The following AMZ1 variants were observed in gnomAD, a reference collection of about 807,000 sequenced individuals.
AMZ1 encodes archaemetzincin-1.
A neutral mutation model predicts 29.9 loss-of-function variants in AMZ1; 39 were observed. The observed-to-expected ratio is 1.30, with a 90% CI of 1.01 to 1.70. AMZ1 has a LOEUF of 1.70. AMZ1 is among the 40% of genes most tolerant of loss of function. The probability of loss-of-function intolerance (pLI) is 0.00; values close to 1 mark genes in which losing one functional copy is unlikely to be tolerated. For synonymous variants in AMZ1, 458 were observed against 304.0 expected, an observed-to-expected ratio of 1.51 and a Z score of -5.27; for missense variants, 1,041 against 680.6, an observed-to-expected ratio of 1.53 and a Z score of -5.89.
intron 3 of AMZ1, among the ~76,000 whole-genome samples, chr7:2,707,830 T>C (rs1371567671): frequency 2.0e-5 from 3 of 146,836 alleles, no homozygotes; most frequent in African/African-American, 7.6e-5. Context: ...TTTTTTTTTT[T>C]TTTTTTTTTT....
chr7:2,706,724 C>T (rs1788373942), intron 3 of AMZ1, among the ~76,000 whole-genome samples: 1 of 152,258 alleles, frequency 6.6e-6, no homozygotes, highest in Admixed American at 6.5e-5. Context: ...AACTGGATTA[C>T]ATCTGCACAG....
chr7:2,688,316 AG>A lies in AMZ1; in HGVS notation c.-219+21del, dbSNP rs1168089873. The A allele has an allele frequency of 6.6e-6, 1 of 150,550 alleles. No homozygotes were observed. The highest frequency in any genetic ancestry group is 2.0e-4 in the East Asian group (1 of 5,094). 9.3% of individuals were successfully genotyped at this position (150,550 alleles called of 1,614,324 possible). ...TGCGAGGTAGGGGGGCGCGCGGGGA[AG>A]ACTCGGGGGCGCAGGGACCGAGAGG... is the stretch of plus-strand genomic sequence containing the variant. On this transcript the variant is annotated intron_variant, in intron 1 of 6. Transcript: ENST00000683327.
At position 2,719,007 on chromosome 7, in the gene AMZ1, A is replaced by C. The variant is rs577155241; in HGVS notation, c.*6129A>C. ...GGGAGGGAAGCTGCAAGAACAGGCGACTTTTTTTTTTTTTTTTCCCCCCCA... is the reference window on the plus strand; with the variant it reads ...GGGAGGGAAGCTGCAAGAACAGGCGCCTTTTTTTTTTTTTTTTCCCCCCCA... On this transcript the variant is annotated 3_prime_UTR_variant, in exon 7 of 7. Coordinates refer to ENST00000683327, the MANE Select transcript of AMZ1 (RefSeq NM_001384743.1). 2.8e-3 allele frequency among the ~76,000 whole-genome samples: 320 copies of C among 113,896 alleles called. No individual in the cohort carries two copies. The highest frequency in any genetic ancestry group is 0.011 in the African/African-American group (301 of 28,484). The allele number at this position is 113,896 out of a possible 152,430, so 74.7% of individuals were successfully genotyped here.
chr7:2,740,133 C>G (rs1790424796), intron 4 of AMZ1, among the ~76,000 whole-genome samples: 1 of 152,124 alleles, frequency 6.6e-6, no homozygotes, highest in South Asian at 2.1e-4. Flanking sequence ...CGGTGGCCAT[C>G]CTACTAGCTG....
At chr7:2,759,140 AAAAT>A (rs3074427) in intron 4 of AMZ1, among the ~76,000 whole-genome samples, 12,163 of 144,678 alleles carry the variant, frequency 0.084, 509 homozygotes, top group East Asian at 0.11. Flanking sequence ...ACACTGTCTC[AAAAT>A]AAATAAATAA....
At chr7:2,712,244 C>G in intron 6 of AMZ1, 86 bp from the exon 7 acceptor site, 1 of 1,398,238 alleles carries the variant, frequency 7.2e-7, no homozygotes, top group South Asian at 1.5e-5. Context: ...CGGTGGGGTC[C>G]CCTTAGGTAA....
At chr7:2,686,991 G>A (rs1265686616), upstream of AMZ1, among the ~76,000 whole-genome samples, 1 of 151,352 alleles carries the variant, frequency 6.6e-6, no homozygotes, top group Admixed American at 6.6e-5. Context: ...GGGATTACAG[G>A]CATGAGCCAC....
chr7:2,693,773 T>A (rs193043105), intron 1 of AMZ1, among the ~76,000 whole-genome samples: 6 of 152,306 alleles, frequency 3.9e-5, no homozygotes, highest in Non-Finnish European at 8.8e-5. Flanking sequence ...GCCAGGATTG[T>A]CTTGATCTCC....
chr7:2,688,001 C>T (rs555956993), upstream of AMZ1, among the ~76,000 whole-genome samples: 1 of 147,884 alleles, frequency 6.8e-6, no homozygotes, highest in Admixed American at 6.8e-5. Context: ...TGGCTTTAGG[C>T]TCTGGGGCCC....
chr7:2,695,139 C>T (rs1053193576), intron 1 of AMZ1, among the ~76,000 whole-genome samples: 5 of 152,228 alleles, frequency 3.3e-5, no homozygotes, highest in Non-Finnish European at 7.3e-5. Context: ...CGCTGCAAGA[C>T]TTGCCCACTA....
At chr7:2,729,485 C>G (rs1274098507) in intron 4 of AMZ1, 1 of 152,422 alleles carries the variant, frequency 6.6e-6, no homozygotes, top group Non-Finnish European at 1.5e-5. Flanking sequence ...GACACACAGC[C>G]TCGAGCACTG....
chr7:2,689,417 A>G (rs968116120), intron 1 of AMZ1, among the ~76,000 whole-genome samples: 1 of 152,188 alleles, frequency 6.6e-6, no homozygotes, highest in African/African-American at 2.4e-5. Flanking sequence ...GGACAAAAAA[A>G]GGCAAGGGGA....
At chr7:2,696,887 A>AACAC (rs59892614) in intron 1 of AMZ1, among the ~76,000 whole-genome samples, 4,702 of 148,926 alleles carry the variant, frequency 0.032, 230 homozygotes, top group African/African-American at 0.11. Context: ...CTGTCTCAAA[A>AACAC]ACAAAAAACA....
At position 2,731,178 on chromosome 7, in the gene AMZ1, C is replaced by T. The variant is rs772109405; in HGVS notation, n.550+21362C>T. 16 of 1,598,276 alleles carry T rather than the reference C, an allele frequency of 1.0e-5. No individual in the cohort carries two copies. The highest frequency in any genetic ancestry group is 2.2e-5 in the South Asian group (2 of 89,742). On this transcript the variant is annotated intron_variant and non_coding_transcript_variant, in intron 4 of 4. Coordinates refer to the AMZ1 transcript ENST00000489665. The surrounding 1 kb of genome is among the most constrained non-coding windows in gnomAD (Gnocchi z 6.0). The stretch of plus-strand genomic sequence containing the variant: ...ACGACGACAAACCCCGGGGCTTCCT[C>T]GCTCACTGCAGCATGATGTCCTTCA...
chr7:2,702,709 G>T lies in AMZ1; in HGVS notation c.305-13G>T. 6.6e-7 allele frequency: 1 copy of T among 1,520,406 alleles called. No individual in the cohort carries two copies. Among genetic ancestry groups the T allele is most frequent in the Non-Finnish European group, 8.8e-7 (1 of 1,133,974 alleles). 94.2% of individuals were successfully genotyped at this position (1,520,406 alleles called of 1,614,324 possible). On this transcript the variant is annotated splice_polypyrimidine_tract_variant and intron_variant, in intron 2 of 6. Coordinates refer to ENST00000683327, the MANE Select transcript of AMZ1 (RefSeq NM_001384743.1). Reference sequence around the variant, plus strand: ...GGGGCGTCGCAGGGCTGACGGTGCTGCTCTCCCACCAGACCTGAGCGAGGA... The same window carrying T: ...GGGGCGTCGCAGGGCTGACGGTGCTTCTCTCCCACCAGACCTGAGCGAGGA...
At chr7:2,687,185 G>T (rs1225076503), upstream of AMZ1, among the ~76,000 whole-genome samples, 4 of 152,110 alleles carry the variant, frequency 2.6e-5, no homozygotes, top group East Asian at 7.8e-4. Flanking sequence ...AAATTAGCTG[G>T]ACACAATGAT....
chr7:2,750,880 T>C (rs561629712), intron 4 of AMZ1, among the ~76,000 whole-genome samples: 1 of 152,246 alleles, frequency 6.6e-6, no homozygotes, highest in Admixed American at 6.5e-5. Context: ...AATAACTGAT[T>C]AATATGAGGG....
At chr7:2,684,193 C>A (rs959774566), upstream of AMZ1, among the ~76,000 whole-genome samples, 5 of 151,920 alleles carry the variant, frequency 3.3e-5, no homozygotes, top group Admixed American at 6.6e-5. Flanking sequence ...AAAAAATTGT[C>A]ATTATTTTTT....
Position 2,713,778 on chromosome 7 carries a change from C to A in AMZ1, c.*900C>A, listed in dbSNP as rs1331531710. 6.6e-6 allele frequency: 1 copy of A among 152,408 alleles called. No homozygotes were observed. Among genetic ancestry groups the A allele is most frequent in the Non-Finnish European group, 1.5e-5 (1 of 68,090 alleles). The allele number at this position is 152,408 out of a possible 1,614,324, so 9.4% of individuals were successfully genotyped here. A position where few individuals can be genotyped will look rare whatever the true frequency, so the allele number is the denominator to read the frequency against. The stretch of plus-strand genomic sequence containing the variant: ...TGACGTGCACTGAGGGCAGAGGCCC[C>A]CTTATTCCTGAGGCGGCTACAGCTC... On this transcript the variant is annotated 3_prime_UTR_variant, in exon 7 of 7. Coordinates refer to ENST00000683327, the MANE Select transcript of AMZ1 (RefSeq NM_001384743.1).
Sources: allele counts gnomAD v4.1 joint callset (sites outside exome capture counted in the v4.1 genomes callset), GRCh38; gene constraint gnomAD v4.1.1; non-coding constraint Gnocchi (gnomAD v3.1); transcripts MANE v1.5; gene names NCBI Gene and HGNC (gene_info 2026-07-23, HGNC 2026-07-21).